Variants in CDK8 observed in about 807,000 individuals in gnomAD.
CDK8 encodes the protein cyclin-dependent kinase 8.
Under a neutral mutation model 71.5 loss-of-function variants are expected in CDK8, and 29 were observed. That is an observed-to-expected ratio of 0.41 (90% CI 0.30 to 0.55). The LOEUF is 0.55. Ranked by LOEUF, CDK8 falls within the 20% of genes least tolerant of loss-of-function variation. The probability of loss-of-function intolerance (pLI) is 0.37; values close to 1 mark genes in which losing one functional copy is unlikely to be tolerated. For missense variants in CDK8, 288 were observed against 572.6 expected (o/e 0.50, Z 5.07); for synonymous variants, 161 against 192.1 (o/e 0.84, Z 1.34).
At chr13:26,368,280 C>T (rs756297866) in intron 4 of CDK8, among the ~76,000 whole-genome samples, 1 of 152,212 alleles carries the variant, frequency 6.6e-6, no homozygotes, top group Non-Finnish European at 1.5e-5. Flanking sequence ...ATCTTCCTCT[C>T]TTGTTGTCTT....
chr13:26,309,846 G>T (rs1874207090), intron 1 of CDK8, among the ~76,000 whole-genome samples: 1 of 152,056 alleles, frequency 6.6e-6, no homozygotes, highest in Non-Finnish European at 1.5e-5. Context: ...GAGTGCAGTG[G>T]TGTGATCTTG....
chr13:26,349,582 G>A (rs1306751705), intron 3 of CDK8, among the ~76,000 whole-genome samples: 1 of 152,164 alleles, frequency 6.6e-6, no homozygotes, highest in African/African-American at 2.4e-5. Flanking sequence ...GTAGGAGGAC[G>A]AATATGCTAT....
Position 26,397,155 on chromosome 13 carries a change from A to G in CDK8, c.863A>G (p.Tyr288Cys). ...ATTTCATAGTATTTCTCTTTCAGGTATACCAACTGCAGCCTTATCAAGTAT... is the reference window on the plus strand; with the variant it reads ...ATTTCATAGTATTTCTCTTTCAGGTGTACCAACTGCAGCCTTATCAAGTAT... ...TLMKDFRRNT[Y>C]TNCSLIKYME... The change falls in exon 9 of 13, where the codon TAT becomes TGT. Residue 288 changes from tyrosine to cysteine, a missense_variant and splice_region_variant. Physicochemically the swap from Tyr to Cys is radical, Grantham distance 194. Coordinates refer to ENST00000381527, the MANE Select transcript of CDK8 (RefSeq NM_001260.3). 1 of 1,567,290 alleles carries G rather than the reference A, an allele frequency of 6.4e-7. No homozygotes were observed. The highest frequency in any genetic ancestry group is 8.8e-7 in the Non-Finnish European group (1 of 1,139,656).
intron 1 of CDK8, among the ~76,000 whole-genome samples, chr13:26,318,352 A>G (rs1874608569): frequency 6.6e-6 from 1 of 152,130 alleles, no homozygotes; most frequent in Non-Finnish European, 1.5e-5. Flanking sequence ...GGTTAATTCT[A>G]CCAAACAATT....
At chr13:26,309,644 T>A (rs939994096) in intron 1 of CDK8, among the ~76,000 whole-genome samples, 2 of 152,138 alleles carry the variant, frequency 1.3e-5, no homozygotes, top group African/African-American at 4.8e-5. Context: ...CTACATTCTC[T>A]CCCTAGGTGT....
chr13:26,321,395 G>C (rs1445145202), intron 1 of CDK8, among the ~76,000 whole-genome samples: 1 of 152,150 alleles, frequency 6.6e-6, no homozygotes, highest in African/African-American at 2.4e-5. Context: ...TGGGGAAGGG[G>C]GAGTTAGTGT....
chr13:26,300,872 T>C (rs796100474), intron 1 of CDK8, among the ~76,000 whole-genome samples: 2 of 152,258 alleles, frequency 1.3e-5, no homozygotes, highest in African/African-American at 4.8e-5. Context: ...CTTCAAGAAA[T>C]GGTAAAGATA....
At chr13:26,336,873 G>T (rs1318042551) in intron 1 of CDK8, among the ~76,000 whole-genome samples, 1 of 151,960 alleles carries the variant, frequency 6.6e-6, no homozygotes, top group Non-Finnish European at 1.5e-5. Flanking sequence ...TCTTTGCTTG[G>T]GTCCTCCACC....
intron 1 of CDK8, among the ~76,000 whole-genome samples, chr13:26,285,559 A>G (rs1872969743): frequency 6.6e-6 from 1 of 152,184 alleles, no homozygotes; most frequent in Admixed American, 6.5e-5. Flanking sequence ...AAAGTTGAAA[A>G]CATTTCCCCT....
chr13:26,384,280 T>C (rs964530948), intron 5 of CDK8, among the ~76,000 whole-genome samples: 41 of 152,042 alleles, frequency 2.7e-4, no homozygotes, highest in Admixed American at 2.4e-3. Context: ...AAGGTGATTA[T>C]AGTAAGGCCT....
chr13:26,293,329 A>C (rs793111), intron 1 of CDK8, among the ~76,000 whole-genome samples: 1 of 152,046 alleles, frequency 6.6e-6, no homozygotes, highest in Non-Finnish European at 1.5e-5. Context: ...TTGGCTGGGC[A>C]TGGTGGCTCA....
intron 4 of CDK8, among the ~76,000 whole-genome samples, chr13:26,376,580 G>C (rs943228950): frequency 2.0e-5 from 3 of 152,104 alleles, no homozygotes; most frequent in African/African-American, 4.8e-5. Context: ...TGCAGTTTTT[G>C]TACTGTACAT....
chr13:26,262,748 T>C (rs1871828228), intron 1 of CDK8, among the ~76,000 whole-genome samples: 1 of 152,262 alleles, frequency 6.6e-6, no homozygotes, highest in South Asian at 2.1e-4. Flanking sequence ...AATTAGTTTC[T>C]GAATCACAGT....
rs1029885338 is a variant in CDK8, at chr13:26,263,449, C to CT, written c.128+8689dup. ...GCGCCCGGCCGGGAGTAGGTATTAC[C>CT]TTTTTTTTTGAGCCAGAGTTTTGCT... On this transcript the variant is annotated intron_variant, in intron 1 of 12. Transcript: ENST00000381527. 1.3e-4 allele frequency among the ~76,000 whole-genome samples: 17 copies of CT among 127,370 alleles called. No individual in the cohort carries two copies. In the South Asian group the frequency reaches 1.5e-3, roughly 11 times the overall value. 83.6% of individuals were successfully genotyped at this position (127,370 alleles called of 152,430 possible).
rs185604835 is a variant in CDK8, at chr13:26,311,428, T to G, written c.129-26139T>G. ...TTTGGTCGCAAATAATAGGAAATTC[T>G]GACTCAGAGTGATTTAAACCGTAAG... On this transcript the variant is annotated intron_variant, in intron 1 of 12. Coordinates refer to ENST00000381527, the MANE Select transcript of CDK8 (RefSeq NM_001260.3). 3.9e-5 allele frequency among the ~76,000 whole-genome samples: 6 copies of G among 152,336 alleles called. No homozygotes were observed. The East Asian group carries it at 1.2e-3, about 29-fold the overall frequency.
chr13:26,292,668 C>T (rs1208757356), intron 1 of CDK8, among the ~76,000 whole-genome samples: 1 of 152,098 alleles, frequency 6.6e-6, no homozygotes, highest in Non-Finnish European at 1.5e-5. Flanking sequence ...GGATTTGTTA[C>T]TAAAAGGAGG....
intron 4 of CDK8, among the ~76,000 whole-genome samples, chr13:26,371,522 A>C (rs1291919904): frequency 3.9e-5 from 6 of 152,230 alleles, no homozygotes; most frequent in African/African-American, 9.6e-5. Context: ...ACTGAAACAT[A>C]TTGTAGCAGA....
intron 4 of CDK8, among the ~76,000 whole-genome samples, chr13:26,374,330 A>G (rs941577588): frequency 2.0e-5 from 3 of 152,168 alleles, no homozygotes; most frequent in African/African-American, 7.2e-5. Flanking sequence ...TGCTTTAATT[A>G]AATTTTTGTT....
chr13:26,255,365 A>G (rs1437789242), intron 1 of CDK8, among the ~76,000 whole-genome samples: 8 of 152,184 alleles, frequency 5.3e-5, no homozygotes, highest in African/African-American at 1.4e-4. Context: ...ACATAGAACA[A>G]TGGGGGTTTG....
Sources: allele counts gnomAD v4.1 joint callset (sites outside exome capture counted in the v4.1 genomes callset), GRCh38; gene constraint gnomAD v4.1.1; transcripts MANE v1.5; gene names NCBI Gene and HGNC (gene_info 2026-07-23, HGNC 2026-07-21).